The following FAR2 variants were observed in gnomAD, a reference collection of about 807,000 sequenced individuals.
FAR2 encodes the protein fatty acyl-CoA reductase 2, also known as epididymis secretory protein Li 81.
In FAR2, 19 loss-of-function variants were observed where a neutral mutation model predicts 56.0. The observed-to-expected ratio is 0.34, with a 90% confidence interval of 0.24 to 0.50. The LOEUF is 0.50. Among genes scored for constraint, FAR2 ranks in the 20% least tolerant of loss-of-function variants. The probability of loss-of-function intolerance (pLI) is 0.98; values close to 1 mark genes in which losing one functional copy is unlikely to be tolerated. For missense variants in FAR2, 508 were observed against 642.2 expected (o/e 0.79, Z 2.26); for synonymous variants, 219 against 218.8 (o/e 1.00, Z -0.01).
intron 1 of FAR2, among the ~76,000 whole-genome samples, chr12:29,180,860 T>C (rs1713937636): frequency 6.6e-6 from 1 of 152,142 alleles, no homozygotes; most frequent in Non-Finnish European, 1.5e-5. Context: ...AGAAATCATT[T>C]GGTTTTCTCA....
intron 1 of FAR2, among the ~76,000 whole-genome samples, chr12:29,269,034 C>T (rs373858885): frequency 4.4e-4 from 67 of 152,242 alleles, no homozygotes; most frequent in Non-Finnish European, 7.2e-4. Context: ...AATGAAGTTT[C>T]GGGCACCATT....
At chr12:29,288,097 C>T (rs1948905026) in intron 2 of FAR2, among the ~76,000 whole-genome samples, 1 of 152,174 alleles carries the variant, frequency 6.6e-6, no homozygotes, top group African/African-American at 2.4e-5. Context: ...AGAAGAGTAT[C>T]TTATGTTTAA....
chr12:29,151,029 G>A (rs1290376961), intron 1 of FAR2, among the ~76,000 whole-genome samples: 2 of 152,156 alleles, frequency 1.3e-5, no homozygotes, highest in African/African-American at 2.4e-5. Context: ...TATCACTTTG[G>A]GGTTTATAAA....
chr12:29,270,303 T>C, intron 1 of FAR2, 109 bp from the exon 2 acceptor site: 1 of 748,506 alleles, frequency 1.3e-6, no homozygotes, highest in South Asian at 2.6e-5. Context: ...CTGTCTGACC[T>C]ATTTTTTTCT....
intron 1 of FAR2, among the ~76,000 whole-genome samples, chr12:29,253,367 C>CTATATATCTATATCTATCTATACAGA (rs1948263638): frequency 2.4e-4 from 34 of 141,154 alleles, no homozygotes; most frequent in South Asian, 4.5e-4. Flanking sequence ...ATACAGATAT[C>CTATATATCTATATCTATCTATACAGA]TATCTATCTA....
At chr12:29,150,487 T>C (rs559409361) in intron 1 of FAR2, among the ~76,000 whole-genome samples, 2 of 152,228 alleles carry the variant, frequency 1.3e-5, no homozygotes, top group Non-Finnish European at 2.9e-5. Context: ...AATGGAAATT[T>C]GAGAATTACC....
At chr12:29,298,315 C>A (rs1949104904) in intron 4 of FAR2, among the ~76,000 whole-genome samples, 1 of 149,190 alleles carries the variant, frequency 6.7e-6, no homozygotes, top group Non-Finnish European at 1.5e-5. Flanking sequence ...TTGTAAAAAA[C>A]TATATAAAAA....
chr12:29,265,684 T>C (rs948889593), intron 1 of FAR2, among the ~76,000 whole-genome samples: 3 of 152,088 alleles, frequency 2.0e-5, no homozygotes, highest in Non-Finnish European at 2.9e-5. Context: ...CAAGTTTAAA[T>C]GCTTCTGTAC....
intron 1 of FAR2, among the ~76,000 whole-genome samples, chr12:29,261,747 C>CA (rs1317224542): frequency 1.3e-5 from 2 of 152,114 alleles, no homozygotes; most frequent in Non-Finnish European, 2.9e-5. Context: ...CCTTACAGGC[C>CA]AGGAAAGAGT....
At chr12:29,199,096 A>G (rs1947371073) in intron 1 of FAR2, among the ~76,000 whole-genome samples, 1 of 152,200 alleles carries the variant, frequency 6.6e-6, no homozygotes, top group African/African-American at 2.4e-5. Context: ...TGGGCCTGTT[A>G]AGGAAGCCAA....
rs574659571 is a variant in FAR2 at position 29,256,499 on chromosome 12, G to A, written c.-38-13913G>A. Reference sequence around the variant, plus strand: ...CCTGCTGGCAGTCCTCACAGCCCTCGCTCACTCTCAGCACTTCCTCTGCCT... The same window carrying A: ...CCTGCTGGCAGTCCTCACAGCCCTCACTCACTCTCAGCACTTCCTCTGCCT... On this transcript the variant is annotated intron_variant, in intron 1 of 11. Transcript: ENST00000536681. Among the ~76,000 whole-genome samples, 43 of 152,300 alleles carry A rather than the reference G, an allele frequency of 2.8e-4. No individual in the cohort carries two copies. In the East Asian group the frequency reaches 5.2e-3, roughly 18 times the overall value.
intron 1 of FAR2, among the ~76,000 whole-genome samples, chr12:29,253,211 CTA>C (rs1410884221): frequency 1.1e-5 from 1 of 89,604 alleles, no homozygotes; most frequent in Non-Finnish European, 2.3e-5. Context: ...AGATAGGTAT[CTA>C]TATATCGATA....
intron 1 of FAR2, among the ~76,000 whole-genome samples, chr12:29,169,689 G>A (rs548981138): frequency 2.5e-4 from 38 of 152,298 alleles, no homozygotes; most frequent in Middle Eastern, 6.8e-3. Context: ...AGGCCTTGGC[G>A]GTTTTGGAGA....
chr12:29,327,574 G>A (rs1949669751), intron 10 of FAR2, among the ~76,000 whole-genome samples: 1 of 152,156 alleles, frequency 6.6e-6, no homozygotes, highest in South Asian at 2.1e-4. Flanking sequence ...CAATGGAACA[G>A]AACAGAGCCC....
intron 1 of FAR2, among the ~76,000 whole-genome samples, chr12:29,242,320 C>T (rs1424622680): frequency 1.3e-5 from 2 of 152,202 alleles, no homozygotes; most frequent in African/African-American, 4.8e-5. Context: ...AGGGAGTTTA[C>T]CCAGTCCTCT....
At position 29,297,150 on chromosome 12, in the gene FAR2, A is replaced by G; in HGVS notation, c.495A>G (p.Glu165=). The part of the protein sequence containing the change: ...YSNCNLKHID[E]VIYPCPVEPK... ...ATTGTAACCTGAAGCACATCGATGA[A>G]GTTATCTATCCGTGCCCTGTGGAGC... The change falls in exon 4 of 12, where the codon GAA becomes GAG. Residue 165 remains glutamate (E), a synonymous_variant. Coordinates refer to ENST00000536681, the MANE Select transcript of FAR2 (RefSeq NM_001271783.2). 1.2e-6 allele frequency: 2 copies of G among 1,614,104 alleles called. No individual in the cohort carries two copies. The highest frequency in any genetic ancestry group is 1.7e-6 in the Non-Finnish European group (2 of 1,179,986).
intron 1 of FAR2, among the ~76,000 whole-genome samples, chr12:29,257,205 A>C (rs12322493): frequency 0.053 from 8,118 of 152,078 alleles, 516 homozygotes; most frequent in African/African-American, 0.15. Context: ...TAAACACACC[A>C]ATCAGCACCC....
At chr12:29,214,335 A>G (rs1238737042) in intron 1 of FAR2, among the ~76,000 whole-genome samples, 1 of 152,200 alleles carries the variant, frequency 6.6e-6, no homozygotes, top group Middle Eastern at 3.2e-3. Flanking sequence ...AGAGAAAAAA[A>G]TTATTCACTC....
chr12:29,219,464 A>G (rs564976638), intron 1 of FAR2, among the ~76,000 whole-genome samples: 2 of 152,204 alleles, frequency 1.3e-5, no homozygotes, highest in Non-Finnish European at 2.9e-5. Flanking sequence ...TTGTTAAAGC[A>G]GGACAGGTCT....
Sources: allele counts gnomAD v4.1 joint callset (sites outside exome capture counted in the v4.1 genomes callset), GRCh38; gene constraint gnomAD v4.1.1; transcripts MANE v1.5; gene names NCBI Gene and HGNC (gene_info 2026-07-23, HGNC 2026-07-21).